Variants in FGF1 observed in about 807,000 individuals in gnomAD.
The protein encoded by FGF1 is beta-endothelial cell growth factor.
FGF1 carries 9 observed loss-of-function variants against 13.4 expected under a neutral mutation model. The observed-to-expected ratio is 0.67, with a 90% confidence interval of 0.40 to 1.17. FGF1 has a LOEUF of 1.17. Among genes scored for constraint, FGF1 ranks in the 50% most tolerant of loss-of-function variants. The pLI is 0.01. For synonymous variants in FGF1, 93 were observed against 79.0 expected, an observed-to-expected ratio of 1.18 and a Z score of -0.94; for missense variants, 156 against 192.7, an observed-to-expected ratio of 0.81 and a Z score of 1.13.
At chr5:142,669,856 C>T (rs17216881) in intron 1 of FGF1, among the ~76,000 whole-genome samples, 5,698 of 152,098 alleles carry the variant, frequency 0.037, 379 homozygotes, top group African/African-American at 0.13. Context: ...GGGGGTCACT[C>T]CACACTCTGA....
intron 2 of FGF1, among the ~76,000 whole-genome samples, chr5:142,602,625 G>T (rs1012774375): frequency 1.3e-5 from 2 of 152,140 alleles, no homozygotes; most frequent in Admixed American, 6.5e-5. Flanking sequence ...CCTTGTGTGT[G>T]TATCCTTTCT....
Position 142,593,422 on chromosome 5 carries a change from G to A in FGF1, c.*1868C>T, listed in dbSNP as rs183146703. ...ATTAACCATAATGTCAGCTTACTTA[G>A]GTCAATTCTTCAATTGCACTATTGC... is the stretch of plus-strand genomic sequence containing the variant. On this transcript the variant is annotated 3_prime_UTR_variant, in exon 4 of 4. Coordinates refer to ENST00000337706, the MANE Select transcript of FGF1 (RefSeq NM_000800.5). The A allele has an allele frequency of 2.4e-4, 36 of 152,244 alleles. No homozygotes were observed. In the East Asian group the frequency reaches 5.6e-3, roughly 24 times the overall value. The allele number at this position is 152,244 out of a possible 1,614,324, so 9.4% of individuals were successfully genotyped here. A position where few individuals can be genotyped will look rare whatever the true frequency, so the allele number is the denominator to read the frequency against.
chr5:142,697,337 C>T (rs564839452), intron 2 of FGF1, among the ~76,000 whole-genome samples: 1 of 152,318 alleles, frequency 6.6e-6, no homozygotes, highest in African/African-American at 2.4e-5. Flanking sequence ...CTTCTTGGAT[C>T]TCAGCAAAGA....
intron 1 of FGF1, among the ~76,000 whole-genome samples, chr5:142,655,437 C>G (rs1249079334): frequency 6.6e-6 from 1 of 152,188 alleles, no homozygotes; most frequent in Non-Finnish European, 1.5e-5. Flanking sequence ...TGACAGCTTT[C>G]CAGAGTGGAC....
At position 142,652,354 on chromosome 5, in the gene FGF1, T is replaced by C. The variant is rs75375712; in HGVS notation, c.-35+33603A>G. ...GAGGATGAAGAAACACAAGAGGCGC[T>C]GGGACATTCAGAAGTCACCTAGTGC... On this transcript the variant is annotated intron_variant, in intron 1 of 3. Transcript: ENST00000337706. Among the ~76,000 whole-genome samples, 1,394 of 152,300 alleles carry C rather than the reference T, an allele frequency of 9.2e-3. 10 individuals are homozygous for C. Among genetic ancestry groups the C allele is most frequent in the East Asian group, 0.025 (132 of 5,192 alleles).
At chr5:142,595,509 G>A (rs755829196) in intron 3 of FGF1, 25 bp from the exon 4 acceptor site, 12 of 1,597,270 alleles carry the variant, frequency 7.5e-6, no homozygotes, top group Non-Finnish European at 1.0e-5. Flanking sequence ...CCAAAAGAGA[G>A]TAGGACAATC....
chr5:142,677,992 G>A (rs1452279700), intron 1 of FGF1, among the ~76,000 whole-genome samples: 2 of 152,188 alleles, frequency 1.3e-5, no homozygotes, highest in African/African-American at 2.4e-5. Context: ...GATGGAAAGA[G>A]GCCTGCTACC....
At chr5:142,627,991 C>T (rs1762745511) in intron 1 of FGF1, among the ~76,000 whole-genome samples, 1 of 152,142 alleles carries the variant, frequency 6.6e-6, no homozygotes, top group Non-Finnish European at 1.5e-5. Flanking sequence ...TATTCTACAC[C>T]TGGCTCCACT....
intron 1 of FGF1, among the ~76,000 whole-genome samples, chr5:142,649,546 A>T (rs2151971054): frequency 6.6e-6 from 1 of 152,106 alleles, no homozygotes. Flanking sequence ...AGCTGGGACT[A>T]CAGGTGCCTG....
chr5:142,632,650 A>G (rs1371953501), intron 1 of FGF1, among the ~76,000 whole-genome samples: 1 of 152,244 alleles, frequency 6.6e-6, no homozygotes, highest in Non-Finnish European at 1.5e-5. Flanking sequence ...AGATGTAAGC[A>G]TCTTACAAAG....
intron 1 of FGF1, among the ~76,000 whole-genome samples, chr5:142,650,627 C>G (rs1355139611): frequency 6.6e-6 from 1 of 151,904 alleles, no homozygotes; most frequent in Non-Finnish European, 1.5e-5. Context: ...TTGTTTGACC[C>G]CTTTATAATC....
upstream of FGF1, among the ~76,000 whole-genome samples, chr5:142,689,213 C>T (rs180801697): frequency 6.6e-6 from 1 of 152,180 alleles, no homozygotes; most frequent in Admixed American, 6.5e-5. Context: ...CATTTTCTTT[C>T]TAATCTCATT....
In FGF1 at chr5:142,594,298, A is replaced by G. The variant is rs145230125; in HGVS notation, c.*992T>C. On this transcript the variant is annotated 3_prime_UTR_variant, in exon 4 of 4. Coordinates refer to ENST00000337706, the MANE Select transcript of FGF1 (RefSeq NM_000800.5). ...AACTCTGCCCCCAACCCACTGAATC[A>G]GAATCTCCATTCAAACCAGGTCCCC... 3 of 152,382 alleles carry G rather than the reference A, an allele frequency of 2.0e-5. No homozygotes were observed. Among genetic ancestry groups the G allele is most frequent in the Non-Finnish European group, 4.4e-5 (3 of 68,110 alleles). The allele number at this position is 152,382 out of a possible 1,614,324, so 9.4% of individuals were successfully genotyped here. A position where few individuals can be genotyped will look rare whatever the true frequency, so the allele number is the denominator to read the frequency against.
intron 2 of FGF1, among the ~76,000 whole-genome samples, chr5:142,605,631 A>G (rs1027032857): frequency 1.5e-4 from 23 of 152,252 alleles, no homozygotes; most frequent in Non-Finnish European, 2.6e-4. Context: ...ATGAGTCCCG[A>G]CACCAGGTTT....
chr5:142,670,514 C>G (rs994647591), intron 1 of FGF1, among the ~76,000 whole-genome samples: 1 of 152,226 alleles, frequency 6.6e-6, no homozygotes, highest in Non-Finnish European at 1.5e-5. Flanking sequence ...TTACTTCATT[C>G]TTTCTACAAT....
chr5:142,664,481 A>G (rs1437968231), intron 1 of FGF1, among the ~76,000 whole-genome samples: 1 of 152,234 alleles, frequency 6.6e-6, no homozygotes, highest in Admixed American at 6.5e-5. Flanking sequence ...CTAGCATGGT[A>G]TGGCGCTTGT....
At chr5:142,641,982 G>A (rs1337311796) in intron 1 of FGF1, among the ~76,000 whole-genome samples, 1 of 152,212 alleles carries the variant, frequency 6.6e-6, no homozygotes, top group Non-Finnish European at 1.5e-5. Flanking sequence ...GCTGAAAAAT[G>A]GATCTGAAGG....
chr5:142,672,173 C>T (rs1464619669), intron 1 of FGF1, among the ~76,000 whole-genome samples: 1 of 152,078 alleles, frequency 6.6e-6, no homozygotes. Context: ...CAGGAAAAAA[C>T]TGAAAAGGCA....
At chr5:142,688,130 A>G (rs1295462955), upstream of FGF1, among the ~76,000 whole-genome samples, 1 of 152,236 alleles carries the variant, frequency 6.6e-6, no homozygotes, top group Non-Finnish European at 1.5e-5. Flanking sequence ...TTAGGCAAAT[A>G]TAATCCCTAG....
Sources: allele counts gnomAD v4.1 joint callset (sites outside exome capture counted in the v4.1 genomes callset), GRCh38; gene constraint gnomAD v4.1.1; transcripts MANE v1.5; gene names NCBI Gene and HGNC (gene_info 2026-07-23, HGNC 2026-07-21).